MACROD2: variants seen among roughly 807,000 people sequenced by gnomAD.
The protein encoded by MACROD2 is ADP-ribose glycohydrolase MACROD2.
Under a neutral mutation model 70.4 loss-of-function variants are expected in MACROD2, and 36 were observed. That is an observed-to-expected ratio of 0.51 (90% CI 0.39 to 0.68). The LOEUF is 0.68. Ranked by LOEUF, MACROD2 falls within the 30% of genes least tolerant of loss-of-function variation. MACROD2 has a pLI of 0.00. For missense variants in MACROD2, 496 were observed against 538.4 expected, an observed-to-expected ratio of 0.92 and a Z score of 0.78; for synonymous variants, 172 against 178.8, an observed-to-expected ratio of 0.96 and a Z score of 0.30.
chr20:15,880,988 C>T (rs1054675578), intron 9 of MACROD2, among the ~76,000 whole-genome samples: 1 of 152,072 alleles, frequency 6.6e-6, no homozygotes, highest in Non-Finnish European at 1.5e-5. Context: ...TTTCCCAATA[C>T]AACTTCTGTT....
At chr20:14,681,320 A>G (rs2070929406) in intron 4 of MACROD2, among the ~76,000 whole-genome samples, 1 of 152,228 alleles carries the variant, frequency 6.6e-6, no homozygotes, top group Non-Finnish European at 1.5e-5. Context: ...AAGTATGCAG[A>G]TTGATTCATA....
intron 8 of MACROD2, among the ~76,000 whole-genome samples, chr20:15,705,333 A>G (rs1294412882): frequency 6.6e-6 from 1 of 152,198 alleles, no homozygotes; most frequent in Non-Finnish European, 1.5e-5. Context: ...GTGATTCCAG[A>G]GTGAAGCAAA....
intron 5 of MACROD2, among the ~76,000 whole-genome samples, chr20:15,211,635 G>A (rs1223214873): frequency 1.3e-5 from 2 of 151,904 alleles, no homozygotes; most frequent in Non-Finnish European, 2.9e-5. Context: ...TTACCATGTG[G>A]CATACTAGCT....
At chr20:15,778,955 A>C (rs1299174548) in intron 8 of MACROD2, among the ~76,000 whole-genome samples, 2 of 152,144 alleles carry the variant, frequency 1.3e-5, no homozygotes, top group Non-Finnish European at 2.9e-5. Context: ...ATGCAATCTA[A>C]TCAAAGATTG....
intron 3 of MACROD2, among the ~76,000 whole-genome samples, chr20:14,108,617 T>C (rs1569162249): frequency 6.6e-6 from 1 of 152,076 alleles, no homozygotes; most frequent in Non-Finnish European, 1.5e-5. Context: ...GGAGTAGCTA[T>C]ACTTGTATCA....
chr20:15,640,612 C>T (rs1309353539), intron 8 of MACROD2, among the ~76,000 whole-genome samples: 6 of 152,216 alleles, frequency 3.9e-5, no homozygotes. Context: ...GTTTTATCAT[C>T]CCTTCACTCT....
intron 5 of MACROD2, among the ~76,000 whole-genome samples, chr20:15,174,667 T>C (rs1024123789): frequency 6.6e-6 from 1 of 152,230 alleles, no homozygotes; most frequent in Non-Finnish European, 1.5e-5. Flanking sequence ...CAGCACCTGT[T>C]GTGTCCTGAC....
intron 5 of MACROD2, among the ~76,000 whole-genome samples, chr20:14,710,891 T>C (rs2071330689): frequency 6.6e-6 from 1 of 152,168 alleles, no homozygotes; most frequent in South Asian, 2.1e-4. Flanking sequence ...ATACAATCAT[T>C]GATAAAAATG....
At chr20:15,691,647 C>T (rs1337436794) in intron 8 of MACROD2, among the ~76,000 whole-genome samples, 1 of 152,182 alleles carries the variant, frequency 6.6e-6, no homozygotes, top group Non-Finnish European at 1.5e-5. Context: ...ATGTGCTTAG[C>T]ATGGTGCCTG....
chr20:15,747,513 A>G (rs1281471057), intron 8 of MACROD2, among the ~76,000 whole-genome samples: 2 of 152,214 alleles, frequency 1.3e-5, no homozygotes, highest in African/African-American at 4.8e-5. Context: ...GGATGAACCC[A>G]GTAGTAACAT....
At chr20:15,820,474 G>A (rs957355039) in intron 8 of MACROD2, among the ~76,000 whole-genome samples, 3 of 152,188 alleles carry the variant, frequency 2.0e-5, no homozygotes, top group Admixed American at 6.5e-5. Flanking sequence ...TTACAGTCAT[G>A]AACCACTGTG....
chr20:15,832,136 T>C (rs2064063069), intron 8 of MACROD2, among the ~76,000 whole-genome samples: 1 of 151,894 alleles, frequency 6.6e-6, no homozygotes, highest in Non-Finnish European at 1.5e-5. Context: ...ACTGAGAATA[T>C]GGATGTCAGT....
chr20:15,741,200 C>T (rs1478097540), intron 8 of MACROD2, among the ~76,000 whole-genome samples: 1 of 148,300 alleles, frequency 6.7e-6, no homozygotes, highest in Non-Finnish European at 1.5e-5. Context: ...CAAGTGATTT[C>T]CTTGCCTCAG....
intron 8 of MACROD2, among the ~76,000 whole-genome samples, chr20:15,527,245 G>C (rs2047734314): frequency 6.6e-6 from 1 of 151,942 alleles, no homozygotes; most frequent in Non-Finnish European, 1.5e-5. Flanking sequence ...TTTGAGTAAA[G>C]GTTTTATTCA....
chr20:15,725,966 A>G (rs2050856770), intron 8 of MACROD2, among the ~76,000 whole-genome samples: 1 of 152,138 alleles, frequency 6.6e-6, no homozygotes, highest in East Asian at 1.9e-4. Flanking sequence ...GTAAATCTAC[A>G]TAATTTTATA....
intron 4 of MACROD2, among the ~76,000 whole-genome samples, chr20:14,676,423 C>T (rs550621775): frequency 1.4e-4 from 21 of 152,234 alleles, no homozygotes; most frequent in South Asian, 6.2e-4. Flanking sequence ...CACTCAAAAC[C>T]GCACAACTAC....
rs1025452527 is a variant in MACROD2, at chr20:15,874,168, T to G, written c.727+11342T>G. On this transcript the variant is annotated intron_variant, in intron 9 of 17. Coordinates refer to ENST00000684519, the MANE Select transcript of MACROD2 (RefSeq NM_001351661.2). ...TTTATGAGTGAGAACATGCAGCATT[T>G]GGTTTTCTGTCCTTGTGATGTTTTG... 5.3e-5 allele frequency among the ~76,000 whole-genome samples: 8 copies of G among 150,848 alleles called. No individual in the cohort carries two copies. The South Asian group carries it at 1.7e-3, about 32-fold the overall frequency.
intron 5 of MACROD2, among the ~76,000 whole-genome samples, chr20:15,077,932 G>T (rs1568561747): frequency 2.0e-5 from 3 of 152,072 alleles, no homozygotes; most frequent in Non-Finnish European, 4.4e-5. Context: ...AGCTGGGCTG[G>T]GGGAGGGGGA....
intron 11 of MACROD2, among the ~76,000 whole-genome samples, chr20:15,936,786 C>T (rs6080029): frequency 0.016 from 2,502 of 152,066 alleles, 43 homozygotes; most frequent in Non-Finnish European, 0.025. Flanking sequence ...GGCTAGTTAG[C>T]TGTTATCGTG....
Sources: allele counts gnomAD v4.1 joint callset (sites outside exome capture counted in the v4.1 genomes callset), GRCh38; gene constraint gnomAD v4.1.1; transcripts MANE v1.5; gene names NCBI Gene and HGNC (gene_info 2026-07-23, HGNC 2026-07-21).